Variants in THSD7B observed in about 807,000 individuals in gnomAD.
THSD7B encodes thrombospondin type 1 domain containing 7B.
A neutral mutation model predicts 213.6 loss-of-function variants in THSD7B; 138 were observed. The ratio of observed to expected loss-of-function variants is 0.65; its 90% CI spans 0.56 to 0.74. The LOEUF (loss-of-function observed/expected upper bound fraction) is 0.74, where lower values mean the gene tolerates loss of function less well. Ranked by LOEUF, THSD7B falls within the 30% of genes least tolerant of loss-of-function variation. The pLI, the probability that THSD7B is intolerant of heterozygous loss-of-function variation, is 0.00. For synonymous variants in THSD7B, 742 were observed against 687.0 expected, an observed-to-expected ratio of 1.08 and a Z score of -1.25; for missense variants, 1,931 against 1,991.5, an observed-to-expected ratio of 0.97 and a Z score of 0.58.
chr2:136,963,096 A>G (rs1244897485), intron 2 of THSD7B, among the ~76,000 whole-genome samples: 3 of 152,176 alleles, frequency 2.0e-5, no homozygotes, highest in Non-Finnish European at 4.4e-5. Context: ...AAAAATTACA[A>G]AATTAAAACA....
chr2:137,453,051 A>ATATATATATAT (rs1687683398), intron 15 of THSD7B, among the ~76,000 whole-genome samples: 1 of 152,132 alleles, frequency 6.6e-6, no homozygotes, highest in Non-Finnish European at 1.5e-5. Context: ...CTCAAAAAAG[A>ATATATATATAT]ACCCTGTATA....
intron 12 of THSD7B, among the ~76,000 whole-genome samples, chr2:137,394,655 G>A (rs1686127539): frequency 7.2e-6 from 1 of 137,980 alleles, no homozygotes; most frequent in Admixed American, 7.1e-5. Context: ...GCTCTTTTTT[G>A]GTTCCATATG....
chr2:137,019,612 C>T (rs1686405257), intron 2 of THSD7B, among the ~76,000 whole-genome samples: 1 of 152,178 alleles, frequency 6.6e-6, no homozygotes, highest in Non-Finnish European at 1.5e-5. Context: ...CCACCTGATA[C>T]CTTTCAAACA....
intron 10 of THSD7B, among the ~76,000 whole-genome samples, chr2:137,258,122 A>T (rs1305556464): frequency 6.6e-6 from 1 of 152,226 alleles, no homozygotes; most frequent in Non-Finnish European, 1.5e-5. Flanking sequence ...TAGTAAAATT[A>T]TCCCCATTCA....
chr2:137,591,611 A>G (rs921574581), intron 17 of THSD7B, among the ~76,000 whole-genome samples: 2 of 151,914 alleles, frequency 1.3e-5, no homozygotes, highest in Non-Finnish European at 1.5e-5. Flanking sequence ...GGTTCCATGT[A>G]TTATGTTTTT....
chr2:137,309,484 T>G (rs1321392431), intron 12 of THSD7B, among the ~76,000 whole-genome samples: 2 of 149,890 alleles, frequency 1.3e-5, no homozygotes, highest in African/African-American at 4.9e-5. Context: ...GTTCAGAGTT[T>G]TATATATATA....
At chr2:137,221,383 A>G (rs1681368366) in intron 7 of THSD7B, among the ~76,000 whole-genome samples, 2 of 151,984 alleles carry the variant, frequency 1.3e-5, no homozygotes, top group Admixed American at 6.6e-5. Flanking sequence ...TAGTGGTGAT[A>G]GAACTGTCCT....
At chr2:137,597,441 A>G (rs751020881) in intron 17 of THSD7B, among the ~76,000 whole-genome samples, 10 of 150,282 alleles carry the variant, frequency 6.7e-5, no homozygotes, top group Non-Finnish European at 1.5e-4. Flanking sequence ...CAATGGGCAA[A>G]AGAAAAACAA....
At chr2:137,243,210 A>T (rs1279015776) in intron 10 of THSD7B, among the ~76,000 whole-genome samples, 5 of 152,132 alleles carry the variant, frequency 3.3e-5, no homozygotes, top group Non-Finnish European at 7.4e-5. Flanking sequence ...CTTTCCCCCA[A>T]AGTGTATTGC....
At chr2:137,302,805 A>G (rs1181973546) in intron 12 of THSD7B, among the ~76,000 whole-genome samples, 1 of 152,178 alleles carries the variant, frequency 6.6e-6, no homozygotes, top group East Asian at 1.9e-4. Flanking sequence ...TTTTATTTTT[A>G]GAAAACTTTT....
At chr2:137,515,682 T>C (rs1020851659) in intron 15 of THSD7B, among the ~76,000 whole-genome samples, 2 of 152,230 alleles carry the variant, frequency 1.3e-5, no homozygotes, top group African/African-American at 2.4e-5. Context: ...TTCTGCATTT[T>C]ATGTTGCAGC....
chr2:137,312,650 A>G (rs1683948466), intron 12 of THSD7B, among the ~76,000 whole-genome samples: 1 of 149,268 alleles, frequency 6.7e-6, no homozygotes, highest in Non-Finnish European at 1.5e-5. Context: ...ATTTAGTGCT[A>G]TAAATTTCCC....
At chr2:137,284,885 G>C (rs1053186102) in intron 12 of THSD7B, among the ~76,000 whole-genome samples, 1 of 152,096 alleles carries the variant, frequency 6.6e-6, no homozygotes, top group Non-Finnish European at 1.5e-5. Flanking sequence ...TGTTGATTTG[G>C]GGTGGAGAGT....
At chr2:136,967,375 C>T (rs187032831) in intron 2 of THSD7B, among the ~76,000 whole-genome samples, 2 of 152,244 alleles carry the variant, frequency 1.3e-5, no homozygotes, top group Admixed American at 6.5e-5. Flanking sequence ...CATTTCTCCT[C>T]GTTCTATTTG....
chr2:137,066,309 A>C (rs1001114668), intron 3 of THSD7B, among the ~76,000 whole-genome samples: 6 of 150,544 alleles, frequency 4.0e-5, no homozygotes, highest in African/African-American at 1.2e-4. Context: ...CTCCTGCCTC[A>C]GACTTCTGAG....
At position 137,663,585 on chromosome 2, in the gene THSD7B, A is replaced by G. The variant is rs371038412; in HGVS notation, c.4651+10A>G. ...CAACCACTTGATCCAGGTGAGTTTC[A>G]GTTGTGAGTAAGAAATGAAAATTTT... is the stretch of plus-strand genomic sequence containing the variant. On this transcript the variant is annotated intron_variant, in intron 26 of 27. Coordinates refer to ENST00000409968, the MANE Select transcript of THSD7B (RefSeq NM_001316349.2). 3.1e-6 allele frequency: 5 copies of G among 1,589,550 alleles called. No homozygotes were observed. The African/African-American group carries it at 6.8e-5, about 21-fold the overall frequency.
chr2:137,539,051 A>G (rs536056566), intron 15 of THSD7B, among the ~76,000 whole-genome samples: 1 of 151,838 alleles, frequency 6.6e-6, no homozygotes, highest in African/African-American at 2.4e-5. Context: ...TTATATCAAT[A>G]TCTCATATAA....
At position 137,164,819 on chromosome 2, in the gene THSD7B, GA is replaced by G. The variant is rs1292053935; in HGVS notation, c.1525+4453del. 3.9e-5 allele frequency among the ~76,000 whole-genome samples: 6 copies of G among 152,234 alleles called. No individual in the cohort carries two copies. In the East Asian group the frequency reaches 1.2e-3, roughly 29 times the overall value. The stretch of plus-strand genomic sequence containing the variant: ...ACCGCATATTCTCACTCATAGGTGG[GA>G]ATTGAACAATGAGAACACTTGGACA... On this transcript the variant is annotated intron_variant, in intron 6 of 27. Coordinates refer to ENST00000409968, the MANE Select transcript of THSD7B (RefSeq NM_001316349.2).
chr2:136,781,271 T>TTC (rs1201719352), intron 1 of THSD7B, among the ~76,000 whole-genome samples: 2 of 148,870 alleles, frequency 1.3e-5, no homozygotes, highest in East Asian at 3.9e-4. Flanking sequence ...AGTTCTATTT[T>TTC]TTTTTTTTTT....
Sources: gnomAD v4.1 joint callset for allele counts (sites outside exome capture counted in the v4.1 genomes callset) on GRCh38, gnomAD v4.1.1 for gene constraint, MANE v1.5 for transcripts, NCBI Gene and HGNC (gene_info 2026-07-23, HGNC 2026-07-21) for gene names.